Variants in BCAS3 observed in about 807,000 individuals in gnomAD.
The protein encoded by BCAS3 is BCAS3 microtubule associated cell migration factor, also known as BCAS4/BCAS3 fusion.
BCAS3 carries 53 observed loss-of-function variants against 116.1 expected under a neutral mutation model. That is an observed-to-expected ratio of 0.46 (90% CI 0.37 to 0.57). BCAS3 has a LOEUF of 0.57. Ranked by LOEUF, BCAS3 falls within the 20% of genes least tolerant of loss-of-function variation. The pLI, the probability that BCAS3 is intolerant of heterozygous loss-of-function variation, is 0.00. For synonymous variants in BCAS3, 391 were observed against 408.2 expected (o/e 0.96, Z 0.51); for missense variants, 917 against 1,165.4 (o/e 0.79, Z 3.10).
chr17:61,252,060 T>C (rs185003204), intron 22 of BCAS3, among the ~76,000 whole-genome samples: 217 of 152,334 alleles, frequency 1.4e-3, no homozygotes, highest in Non-Finnish European at 2.4e-3. Flanking sequence ...TAACACGAAG[T>C]ACTAAAAGTA....
chr17:61,369,188 T>A (rs1308035509), intron 23 of BCAS3, among the ~76,000 whole-genome samples: 5 of 152,184 alleles, frequency 3.3e-5, no homozygotes, highest in Admixed American at 3.3e-4. Context: ...TCCAAAACCC[T>A]TCTTTGTTCT....
rs982961020 is a variant in BCAS3, at chr17:61,229,853, G to A, written c.2426-138474G>A. On this transcript the variant is annotated intron_variant, in intron 22 of 23. Transcript: ENST00000407086. The surrounding 1 kb of genome is among the most constrained non-coding windows in gnomAD (Gnocchi z 4.4). ...TTATAAGATAGTGTTGGCTGGGCGC[G>A]ATGGCTTACGCCTGTAATCCCAGCA... 1.3e-5 allele frequency among the ~76,000 whole-genome samples: 2 copies of A among 152,198 alleles called. No individual in the cohort carries two copies. Among genetic ancestry groups the A allele is most frequent in the Admixed American group, 6.5e-5 (1 of 15,278 alleles).
rs1481097871 is a variant in BCAS3, at chr17:61,156,626, C to T, written c.2425+72062C>T. ...AGTTTCATCATTTGGTAAGAAATTTCAGAGGGATTTTTAAATATGAAACTG... is the reference window on the plus strand; with the variant it reads ...AGTTTCATCATTTGGTAAGAAATTTTAGAGGGATTTTTAAATATGAAACTG... On this transcript the variant is annotated intron_variant, in intron 22 of 23. Transcript: ENST00000407086. This position sits in a 1 kb window ranked among gnomAD's most constrained non-coding sequence, Gnocchi z 4.7. 1.3e-5 allele frequency among the ~76,000 whole-genome samples: 2 copies of T among 152,086 alleles called. No individual in the cohort carries two copies. The highest frequency in any genetic ancestry group is 2.9e-5 in the Non-Finnish European group (2 of 68,010).
At chr17:61,047,650 T>C (rs9908600) in intron 19 of BCAS3, among the ~76,000 whole-genome samples, 27,168 of 151,920 alleles carry the variant, frequency 0.18, 2,733 homozygotes, top group African/African-American at 0.22. Context: ...TGTATTCCTT[T>C]GCCAAAAACA....
At chr17:61,080,209 C>G (rs1297499592) in intron 21 of BCAS3, among the ~76,000 whole-genome samples, 1 of 152,032 alleles carries the variant, frequency 6.6e-6, no homozygotes, top group African/African-American at 2.4e-5. Flanking sequence ...CTGGCCTCAT[C>G]TCTTTAAATT....
rs543634405 is a variant in BCAS3 at position 61,253,680 on chromosome 17, T to G, written c.2426-114647T>G. On this transcript the variant is annotated intron_variant, in intron 22 of 23. Transcript: ENST00000407086. ...TGAATCTCGGATGCCTCTGGGCCAG[T>G]GCTTCATAAAGTCCTGTGCTCAGAT... 8.6e-5 allele frequency among the ~76,000 whole-genome samples: 13 copies of G among 151,304 alleles called. No homozygotes were observed. The South Asian group carries it at 2.3e-3, about 27-fold the overall frequency.
intron 6 of BCAS3, among the ~76,000 whole-genome samples, chr17:60,782,733 G>A (rs918451557): frequency 1.3e-5 from 2 of 151,566 alleles, no homozygotes; most frequent in South Asian, 2.1e-4. Context: ...CTACAGGTAC[G>A]CACCACCGCA....
At chr17:61,045,535 C>T (rs1317639905) in intron 19 of BCAS3, among the ~76,000 whole-genome samples, 1 of 149,296 alleles carries the variant, frequency 6.7e-6, no homozygotes, top group Non-Finnish European at 1.5e-5. Flanking sequence ...AAAAAAAAGG[C>T]TAGGCGCAGT....
chr17:60,927,477 G>A (rs886652049), intron 13 of BCAS3, among the ~76,000 whole-genome samples: 4 of 151,960 alleles, frequency 2.6e-5, no homozygotes, highest in South Asian at 4.1e-4. Flanking sequence ...GTGTGGTCTC[G>A]ATCTGTTGAC....
At chr17:60,927,309 G>A (rs2059413624) in intron 13 of BCAS3, among the ~76,000 whole-genome samples, 1 of 151,036 alleles carries the variant, frequency 6.6e-6, no homozygotes, top group Admixed American at 6.6e-5. Context: ...AGGCTGGAGT[G>A]CAGTGGCACG....
At chr17:60,893,339 T>C (rs1005239139) in intron 10 of BCAS3, among the ~76,000 whole-genome samples, 6 of 152,182 alleles carry the variant, frequency 3.9e-5, no homozygotes, top group Non-Finnish European at 8.8e-5. Context: ...AGTTTTTCCC[T>C]AGGTTTTCTT....
chr17:60,879,387 A>C (rs1182631147), intron 9 of BCAS3, among the ~76,000 whole-genome samples: 3 of 152,370 alleles, frequency 2.0e-5, no homozygotes, highest in Middle Eastern at 3.4e-3. Flanking sequence ...CATCAGAGCA[A>C]GCATCATGGG....
At chr17:60,735,062 G>A (rs2040832328) in intron 5 of BCAS3, among the ~76,000 whole-genome samples, 1 of 151,984 alleles carries the variant, frequency 6.6e-6, no homozygotes, top group East Asian at 1.9e-4. Flanking sequence ...TTATACCTAC[G>A]TATTTCATTT....
intron 4 of BCAS3, among the ~76,000 whole-genome samples, chr17:60,707,271 G>A (rs1219375993): frequency 6.6e-6 from 1 of 151,302 alleles, no homozygotes; most frequent in Admixed American, 6.6e-5. Flanking sequence ...GGGATTACAG[G>A]TGTGAGCCAC....
chr17:61,234,031 T>A (rs559945061), intron 22 of BCAS3, among the ~76,000 whole-genome samples: 2 of 152,246 alleles, frequency 1.3e-5, no homozygotes, highest in East Asian at 3.9e-4. Context: ...AAAGTGGTTC[T>A]AAATTGCAGA....
At chr17:60,821,521 A>T (rs1329478022) in intron 7 of BCAS3, among the ~76,000 whole-genome samples, 1 of 152,122 alleles carries the variant, frequency 6.6e-6, no homozygotes, top group Non-Finnish European at 1.5e-5. Flanking sequence ...GGCCCCTCCC[A>T]GCTCTTTTCT....
rs1219614909 is a variant in BCAS3, at chr17:61,355,005, T to C, written c.2426-13322T>C. The C allele has an allele frequency of 1.3e-5, 2 of 152,142 alleles. No homozygotes were observed. Among genetic ancestry groups the C allele is most frequent in the African/African-American group, 4.8e-5 (2 of 41,414 alleles). The allele number at this position is 152,142 out of a possible 1,614,324, so 9.4% of individuals were successfully genotyped here. On this transcript the variant is annotated intron_variant, in intron 22 of 23. Coordinates refer to ENST00000407086, the MANE Select transcript of BCAS3 (RefSeq NM_017679.5). The surrounding 1 kb of genome is among the most constrained non-coding windows in gnomAD (Gnocchi z 4.2). ...GCCCCTGGCTCCAGATCAGAGCCAG[T>C]GTGCCCACCCATCCCTCCCTGCTCT...
Position 61,249,404 on chromosome 17 carries a change from C to T in BCAS3, c.2426-118923C>T, listed in dbSNP as rs1436507508. Among the ~76,000 whole-genome samples, 1 of 152,152 alleles carries T rather than the reference C, an allele frequency of 6.6e-6. No individual in the cohort carries two copies. The highest frequency in any genetic ancestry group is 1.5e-5 in the Non-Finnish European group (1 of 68,018). On this transcript the variant is annotated intron_variant, in intron 22 of 23. Transcript: ENST00000407086. This position sits in a 1 kb window ranked among gnomAD's most constrained non-coding sequence, Gnocchi z 6.2. ...TTTGATGTTCCCAGAGCAGAGCACT[C>T]CTTAAACTAGGATGAGAAAAGTTAA...
chr17:61,141,787 A>C lies in BCAS3; in HGVS notation c.2425+57223A>C, dbSNP rs1433094350. 6.6e-6 allele frequency among the ~76,000 whole-genome samples: 1 copy of C among 150,778 alleles called. No homozygotes were observed. Among genetic ancestry groups the C allele is most frequent in the Non-Finnish European group, 1.5e-5 (1 of 67,714 alleles). ...GTGGTGGCGCACGCCTGTAGTCCCAACTACTCAGGAGGCTGAGGCAGGAGA... is the reference window on the plus strand; with the variant it reads ...GTGGTGGCGCACGCCTGTAGTCCCACCTACTCAGGAGGCTGAGGCAGGAGA... On this transcript the variant is annotated intron_variant, in intron 22 of 23. Coordinates refer to ENST00000407086, the MANE Select transcript of BCAS3 (RefSeq NM_017679.5). The surrounding 1 kb of genome is among the most constrained non-coding windows in gnomAD (Gnocchi z 4.3).
Sources: gnomAD v4.1 joint callset for allele counts (sites outside exome capture counted in the v4.1 genomes callset) on GRCh38, gnomAD v4.1.1 for gene constraint, Gnocchi (gnomAD v3.1) non-coding constraint, MANE v1.5 for transcripts, NCBI Gene and HGNC (gene_info 2026-07-23, HGNC 2026-07-21) for gene names.